The following CCDC73 variants were observed in gnomAD, a reference collection of about 807,000 sequenced individuals.
CCDC73 encodes coiled-coil domain-containing protein 73.
A neutral mutation model predicts 116.5 loss-of-function variants in CCDC73; 95 were observed. That is an observed-to-expected ratio of 0.82 (90% CI 0.69 to 0.97). CCDC73 has a LOEUF of 0.97. Among genes scored for constraint, CCDC73 ranks in the 50% least tolerant of loss-of-function variants. CCDC73 has a pLI of 0.00. For missense variants in CCDC73, 1,066 were observed against 1,206.8 expected (o/e 0.88, Z 1.73); for synonymous variants, 398 against 401.3 (o/e 0.99, Z 0.10).
chr11:32,793,612 A>AT (rs1258655900), intron 1 of CCDC73, among the ~76,000 whole-genome samples: 2 of 98,094 alleles, frequency 2.0e-5, no homozygotes, highest in African/African-American at 7.1e-5. Context: ...AATTTATTTT[A>AT]TTTTATTTTA....
intron 2 of CCDC73, among the ~76,000 whole-genome samples, chr11:32,741,022 T>C (rs999343199): frequency 6.6e-6 from 1 of 152,198 alleles, no homozygotes; most frequent in Non-Finnish European, 1.5e-5. Flanking sequence ...TATGCCATTG[T>C]TGTCAAAGAA....
At chr11:32,762,865 C>T (rs987029653) in intron 1 of CCDC73, among the ~76,000 whole-genome samples, 9 of 152,114 alleles carry the variant, frequency 5.9e-5, no homozygotes, top group Non-Finnish European at 1.2e-4. Context: ...GAAGCCATGA[C>T]ACACAGCACC....
At chr11:32,705,885 G>A (rs2101380) in intron 3 of CCDC73, among the ~76,000 whole-genome samples, 2,571 of 152,122 alleles carry the variant, frequency 0.017, 75 homozygotes, top group African/African-American at 0.057. Context: ...TGAGCCACAT[G>A]GTATGCCATG....
At chr11:32,743,245 C>G (rs1850205688) in intron 2 of CCDC73, among the ~76,000 whole-genome samples, 3 of 152,146 alleles carry the variant, frequency 2.0e-5, no homozygotes, top group African/African-American at 4.8e-5. Flanking sequence ...TTACTTTGGG[C>G]AGTAAGGCCA....
At position 32,602,843 on chromosome 11, in the gene CCDC73, C is replaced by A; in HGVS notation, c.3208G>T (p.Glu1070Ter). The A allele has an allele frequency of 6.2e-7, 1 of 1,607,496 alleles. No individual in the cohort carries two copies. Among genetic ancestry groups the A allele is most frequent in the East Asian group, 2.2e-5 (1 of 44,788 alleles). ...AATCTGTTGTTTTTTTCCAACGTCT[C>A]TTCTGCTTTTCTTTTCTTTGGCTGG... Reference protein sequence around the residue: ...DNQPKKRKAEETLEKNNRLK With the variant: ...DNQPKKRKAE The change falls in exon 18 of 18, where the codon GAG becomes TAG. Residue 1070 changes from glutamate to a stop codon, truncating the protein, a stop_gained. Transcript: ENST00000335185. LOFTEE classifies it high-confidence loss of function.
intron 2 of CCDC73, among the ~76,000 whole-genome samples, chr11:32,718,609 G>C (rs1373756723): frequency 6.6e-6 from 1 of 152,162 alleles, no homozygotes; most frequent in Non-Finnish European, 1.5e-5. Flanking sequence ...GGCTATGTAG[G>C]GGAAGAGCAG....
the CCDC73 span, among the ~76,000 whole-genome samples, chr11:32,824,563 A>G: frequency 1.3e-5 from 2 of 152,190 alleles, no homozygotes; most frequent in African/African-American, 2.4e-5. Flanking sequence ...ACTAGAACTT[A>G]TTTATTGTTT....
chr11:32,720,588 AGAT>A (rs1849982272), intron 2 of CCDC73, among the ~76,000 whole-genome samples: 1 of 152,188 alleles, frequency 6.6e-6, no homozygotes, highest in African/African-American at 2.4e-5. Flanking sequence ...CTCTATTTGC[AGAT>A]GATATGATTG....
intron 3 of CCDC73, among the ~76,000 whole-genome samples, chr11:32,715,582 T>G (rs1472853284): frequency 6.6e-6 from 1 of 152,038 alleles, no homozygotes; most frequent in Non-Finnish European, 1.5e-5. Flanking sequence ...TCTTGATTGA[T>G]CACATCCTAA....
At chr11:32,632,692 C>T (rs1228769164) in intron 14 of CCDC73, among the ~76,000 whole-genome samples, 2 of 151,932 alleles carry the variant, frequency 1.3e-5, no homozygotes, top group African/African-American at 2.4e-5. Context: ...GTGAATTTAT[C>T]TTTCTCTTTT....
chr11:32,735,939 G>T (rs1328014840), intron 2 of CCDC73, among the ~76,000 whole-genome samples: 1 of 152,118 alleles, frequency 6.6e-6, no homozygotes, highest in Non-Finnish European at 1.5e-5. Flanking sequence ...AATGGTGCTG[G>T]GAAAACTGGC....
intron 16 of CCDC73, 26 bp from the exon 17 acceptor site, chr11:32,611,291 C>T (rs200172584): frequency 1.9e-6 from 3 of 1,600,292 alleles, no homozygotes; most frequent in Middle Eastern, 3.3e-4. Flanking sequence ...GAAATGGCAA[C>T]AACTGAATTT....
At chr11:32,685,987 T>C (rs1444619605) in intron 6 of CCDC73, among the ~76,000 whole-genome samples, 1 of 151,948 alleles carries the variant, frequency 6.6e-6, no homozygotes, top group East Asian at 1.9e-4. Context: ...CCCAAAGTGC[T>C]GGGATTAGAG....
At chr11:32,713,108 T>C (rs1849916242) in intron 3 of CCDC73, among the ~76,000 whole-genome samples, 1 of 152,094 alleles carries the variant, frequency 6.6e-6, no homozygotes, top group Non-Finnish European at 1.5e-5. Flanking sequence ...ACAGATTTAT[T>C]AGAAACTCCC....
chr11:32,796,125 C>G (rs1192364072), upstream of CCDC73, among the ~76,000 whole-genome samples: 1 of 152,192 alleles, frequency 6.6e-6, no homozygotes, highest in Non-Finnish European at 1.5e-5. Context: ...CATAGTAACA[C>G]CCATGCACAT....
chr11:32,720,296 C>A (rs1849979830), intron 2 of CCDC73, among the ~76,000 whole-genome samples: 1 of 152,076 alleles, frequency 6.6e-6, no homozygotes, highest in African/African-American at 2.4e-5. Flanking sequence ...TCAACCAACA[C>A]AGAAAAAACA....
the CCDC73 span, among the ~76,000 whole-genome samples, chr11:32,812,432 G>A: frequency 5.3e-5 from 8 of 152,148 alleles, no homozygotes; most frequent in East Asian, 3.9e-4. Context: ...TTGGGAGGCC[G>A]AGGCGGGTGG....
At chr11:32,641,871 G>T in intron 13 of CCDC73, 101 bp downstream of exon 13, 1 of 917,770 alleles carries the variant, frequency 1.1e-6, no homozygotes. Context: ...TCTGATTTTA[G>T]TCCTCTAATA....
the CCDC73 span, among the ~76,000 whole-genome samples, chr11:32,801,752 A>G: frequency 6.6e-6 from 1 of 152,154 alleles, no homozygotes; most frequent in South Asian, 2.1e-4. Context: ...CGGTGGTTCT[A>G]TTTTTGCAGA....
Sources: gnomAD v4.1 joint callset for allele counts (sites outside exome capture counted in the v4.1 genomes callset) on GRCh38, gnomAD v4.1.1 for gene constraint, MANE v1.5 for transcripts, NCBI Gene and HGNC (gene_info 2026-07-23, HGNC 2026-07-21) for gene names.